The following HDAC9 variants were observed in gnomAD, a reference collection of about 807,000 sequenced individuals.
HDAC9 encodes MEF-2 interacting transcription repressor (MITR) protein.
HDAC9 carries 41 observed loss-of-function variants against 139.4 expected under a neutral mutation model. The ratio of observed to expected loss-of-function variants is 0.29; its 90% confidence interval spans 0.23 to 0.38. The LOEUF (loss-of-function observed/expected upper bound fraction) is 0.38, where lower values mean the gene tolerates loss of function less well. Among genes scored for constraint, HDAC9 ranks in the 10% least tolerant of loss-of-function variants. HDAC9 has a pLI of 1.00. For missense variants in HDAC9, 1,147 were observed against 1,297.0 expected (o/e 0.88, Z 1.78); for synonymous variants, 517 against 476.2 (o/e 1.09, Z -1.12).
chr7:18,482,597 G>C (rs780147317), intron 1 of HDAC9, among the ~76,000 whole-genome samples: 1 of 152,016 alleles, frequency 6.6e-6, no homozygotes, highest in South Asian at 2.1e-4. Context: ...TGTATTGAAG[G>C]ATTAAAACAT....
At chr7:18,506,309 G>T (rs1799754071) in intron 2 of HDAC9, among the ~76,000 whole-genome samples, 1 of 152,134 alleles carries the variant, frequency 6.6e-6, no homozygotes, top group Admixed American at 6.5e-5. Context: ...CTGTCTCAGA[G>T]CACACAGGAC....
chr7:18,664,709 C>T (rs900348121), intron 11 of HDAC9, among the ~76,000 whole-genome samples: 2 of 152,100 alleles, frequency 1.3e-5, no homozygotes, highest in Non-Finnish European at 2.9e-5. Context: ...TATAACACTT[C>T]CTCAGCTTAA....
At chr7:18,928,622 C>T (rs547351296) in intron 22 of HDAC9, among the ~76,000 whole-genome samples, 1 of 152,164 alleles carries the variant, frequency 6.6e-6, no homozygotes, top group African/African-American at 2.4e-5. Flanking sequence ...TGCATGGGTA[C>T]ATTTTAAATG....
intron 3 of HDAC9, 142 bp from the exon 4 acceptor site, chr7:18,590,194 T>C (rs1830550392): frequency 1.1e-6 from 1 of 884,320 alleles, no homozygotes; most frequent in Non-Finnish European, 1.7e-6. Context: ...TCCTTAGATT[T>C]CAATGATTTA....
intron 25 of HDAC9, among the ~76,000 whole-genome samples, chr7:18,984,911 G>C (rs1036796189): frequency 3.4e-4 from 52 of 152,216 alleles, no homozygotes; most frequent in African/African-American, 1.1e-3. Flanking sequence ...GTTTGTGTGT[G>C]TGTGTATACA....
chr7:18,162,231 T>G lies in HDAC9; in HGVS notation c.-94T>G, dbSNP rs940722141. The G allele has an allele frequency of 2.8e-6, 3 of 1,089,420 alleles. No individual in the cohort carries two copies. The African/African-American group carries it at 4.7e-5, about 17-fold the overall frequency. 67.5% of individuals were successfully genotyped at this position (1,089,420 alleles called of 1,614,324 possible). ...ACTGCATTTTTCTTATGTTCTAGGT[T>G]TCTCCTCTGCCAACCCCTCCTGGAC... On this transcript the variant is annotated splice_region_variant and 5_prime_UTR_variant, in exon 2 of 13. Coordinates refer to the HDAC9 transcript ENST00000417496.
At chr7:18,522,695 C>T (rs923045837) in intron 2 of HDAC9, among the ~76,000 whole-genome samples, 10 of 151,026 alleles carry the variant, frequency 6.6e-5, no homozygotes, top group South Asian at 2.1e-4. Flanking sequence ...TTTATTTAAG[C>T]GCTGTAGGTG....
intron 1 of HDAC9, among the ~76,000 whole-genome samples, chr7:18,385,998 A>G (rs1469782660): frequency 2.0e-5 from 3 of 151,770 alleles, no homozygotes; most frequent in Non-Finnish European, 2.9e-5. Context: ...TGTTTCTGCA[A>G]AGATTTAGCA....
At chr7:18,440,405 G>A (rs1238327074) in intron 1 of HDAC9, among the ~76,000 whole-genome samples, 3 of 151,666 alleles carry the variant, frequency 2.0e-5, no homozygotes, top group Non-Finnish European at 4.4e-5. Context: ...GGCTGGTCTC[G>A]AACCCCTGAC....
chr7:18,628,164 AT>A (rs1189856203), intron 6 of HDAC9, among the ~76,000 whole-genome samples: 2 of 152,164 alleles, frequency 1.3e-5, no homozygotes, highest in African/African-American at 4.8e-5. Flanking sequence ...CTATTTTATA[AT>A]TTTTATGATG....
chr7:18,951,057 T>G (rs533190877), intron 23 of HDAC9, among the ~76,000 whole-genome samples: 1 of 152,074 alleles, frequency 6.6e-6, no homozygotes, highest in African/African-American at 2.4e-5. Context: ...CAGCGTAAAT[T>G]TTAAAAATCT....
chr7:18,278,481 C>T (rs1796890226), intron 2 of HDAC9, among the ~76,000 whole-genome samples: 1 of 152,082 alleles, frequency 6.6e-6, no homozygotes, highest in Admixed American at 6.5e-5. Flanking sequence ...GTGCTGTTGC[C>T]ACAGCAGCAC....
At chr7:18,576,025 A>C (rs1225931719) in intron 2 of HDAC9, among the ~76,000 whole-genome samples, 1 of 152,254 alleles carries the variant, frequency 6.6e-6, no homozygotes, top group Admixed American at 6.5e-5. Context: ...AAAAACATCT[A>C]TATTAAATCA....
intron 1 of HDAC9, among the ~76,000 whole-genome samples, chr7:18,425,578 T>A (rs1585807037): frequency 6.6e-6 from 1 of 152,296 alleles, no homozygotes; most frequent in Middle Eastern, 3.4e-3. Flanking sequence ...TTTAACTAAG[T>A]CTTACACATG....
At chr7:18,535,766 A>G (rs1442451776) in intron 2 of HDAC9, among the ~76,000 whole-genome samples, 1 of 151,404 alleles carries the variant, frequency 6.6e-6, no homozygotes, top group Non-Finnish European at 1.5e-5. Flanking sequence ...CTTCTATTTC[A>G]TAACCAAGTA....
intron 1 of HDAC9, among the ~76,000 whole-genome samples, chr7:18,400,759 G>A (rs1240045941): frequency 6.6e-6 from 1 of 152,138 alleles, no homozygotes; most frequent in Non-Finnish European, 1.5e-5. Flanking sequence ...GTAGATGTAC[G>A]ATGAAAGCCA....
intron 1 of HDAC9, among the ~76,000 whole-genome samples, chr7:18,347,836 C>G (rs1186119615): frequency 3.3e-5 from 5 of 152,074 alleles, no homozygotes; most frequent in Non-Finnish European, 7.4e-5. Flanking sequence ...CTCGGCCTCC[C>G]CAAGTGCTGG....
intron 1 of HDAC9, among the ~76,000 whole-genome samples, chr7:18,293,605 C>A (rs1797959418): frequency 6.6e-6 from 1 of 151,836 alleles, no homozygotes; most frequent in Admixed American, 6.6e-5. Flanking sequence ...TTTTCTTTTT[C>A]TTTTTGTCTC....
intron 1 of HDAC9, among the ~76,000 whole-genome samples, chr7:18,299,355 T>G (rs1798384126): frequency 6.6e-6 from 1 of 152,152 alleles, no homozygotes; most frequent in African/African-American, 2.4e-5. Flanking sequence ...GGTAATGTAT[T>G]GGAGAGACAA....
Sources: allele counts gnomAD v4.1 joint callset (sites outside exome capture counted in the v4.1 genomes callset), GRCh38; gene constraint gnomAD v4.1.1; transcripts MANE v1.5; gene names NCBI Gene and HGNC (gene_info 2026-07-23, HGNC 2026-07-21).